SLCO3A1: variants seen among roughly 807,000 people sequenced by gnomAD.
SLCO3A1 encodes solute carrier organic anion transporter family member 3A1.
SLCO3A1 carries 27 observed loss-of-function variants against 63.1 expected under a neutral mutation model. The observed-to-expected ratio is 0.43, with a 90% CI of 0.32 to 0.59. The LOEUF (loss-of-function observed/expected upper bound fraction) is 0.59, where lower values mean the gene tolerates loss of function less well. Among genes scored for constraint, SLCO3A1 ranks in the 20% least tolerant of loss-of-function variants. The pLI, the probability that SLCO3A1 is intolerant of heterozygous loss-of-function variation, is 0.09. For synonymous variants in SLCO3A1, 473 were observed against 409.9 expected, an observed-to-expected ratio of 1.15 and a Z score of -1.86; for missense variants, 773 against 945.8, an observed-to-expected ratio of 0.82 and a Z score of 2.40.
rs550955645 is a variant in SLCO3A1, at chr15:91,860,647, G to A, written c.180+6559G>A. On this transcript the variant is annotated intron_variant, in intron 1 of 9. Transcript: ENST00000318445. The surrounding 1 kb of genome is among the most constrained non-coding windows in gnomAD (Gnocchi z 5.5). ...AAGGCTGAGTGACCAATTCAAGGGAGCCCGAGGTGTCAGGAGGGCGAGGAC... is the reference window on the plus strand; with the variant it reads ...AAGGCTGAGTGACCAATTCAAGGGAACCCGAGGTGTCAGGAGGGCGAGGAC... Among the ~76,000 whole-genome samples, 2 of 152,336 alleles carry A rather than the reference G, an allele frequency of 1.3e-5. No individual in the cohort carries two copies. The highest frequency in any genetic ancestry group is 1.9e-4 in the East Asian group (1 of 5,180).
intron 2 of SLCO3A1, among the ~76,000 whole-genome samples, chr15:92,035,554 A>C (rs2046715241): frequency 6.6e-6 from 1 of 151,732 alleles, no homozygotes; most frequent in Admixed American, 6.6e-5. Context: ...CCCCTTGCTG[A>C]CAACATGAGG....
At chr15:92,124,713 G>A (rs1265241066) in intron 5 of SLCO3A1, among the ~76,000 whole-genome samples, 2 of 152,194 alleles carry the variant, frequency 1.3e-5, no homozygotes, top group Non-Finnish European at 1.5e-5. Context: ...AGCTGAGAGA[G>A]CCATGAAAAC....
intron 2 of SLCO3A1, among the ~76,000 whole-genome samples, chr15:91,955,787 AC>A (rs1900151899): frequency 6.6e-6 from 1 of 152,208 alleles, no homozygotes; most frequent in South Asian, 2.1e-4. Flanking sequence ...TAATAAAGAA[AC>A]AAGTAATTGG....
intron 2 of SLCO3A1, among the ~76,000 whole-genome samples, chr15:92,029,667 AT>A (rs60515477): frequency 0.21 from 30,619 of 149,042 alleles, 3,365 homozygotes; most frequent in African/African-American, 0.25. Flanking sequence ...CCCTCCTTGT[AT>A]TTTTTTTTTC....
chr15:91,873,055 A>G (rs937790767), intron 1 of SLCO3A1, among the ~76,000 whole-genome samples: 6 of 152,256 alleles, frequency 3.9e-5, no homozygotes, highest in Non-Finnish European at 8.8e-5. Context: ...TGCCATAACA[A>G]TTCCCACAAA....
At chr15:91,876,441 C>G (rs977143488) in intron 1 of SLCO3A1, among the ~76,000 whole-genome samples, 1 of 152,192 alleles carries the variant, frequency 6.6e-6, no homozygotes, top group Non-Finnish European at 1.5e-5. Context: ...TCACATGGAG[C>G]GGTCTGGATG....
intron 2 of SLCO3A1, among the ~76,000 whole-genome samples, chr15:91,983,240 A>G (rs1170685653): frequency 6.6e-6 from 1 of 152,246 alleles, no homozygotes; most frequent in Non-Finnish European, 1.5e-5. Flanking sequence ...TCATTTTTAC[A>G]GCGTTCCCAC....
At chr15:92,004,129 A>T (rs1053813710) in intron 2 of SLCO3A1, among the ~76,000 whole-genome samples, 2 of 152,168 alleles carry the variant, frequency 1.3e-5, no homozygotes, top group Non-Finnish European at 2.9e-5. Flanking sequence ...GGGCTTCGTA[A>T]GTATCAGCTT....
chr15:92,025,819 A>G (rs2046567091), intron 2 of SLCO3A1, among the ~76,000 whole-genome samples: 1 of 152,212 alleles, frequency 6.6e-6, no homozygotes, highest in Non-Finnish European at 1.5e-5. Flanking sequence ...ATGCCGCGTG[A>G]TGCATGGCAG....
intron 2 of SLCO3A1, among the ~76,000 whole-genome samples, chr15:92,054,931 T>G (rs1597266025): frequency 2.0e-5 from 3 of 152,220 alleles, no homozygotes; most frequent in Admixed American, 6.5e-5. Flanking sequence ...TGTATCTTTA[T>G]AATAGAATTA....
At chr15:91,933,829 T>C (rs1033732397) in intron 2 of SLCO3A1, among the ~76,000 whole-genome samples, 1 of 152,244 alleles carries the variant, frequency 6.6e-6, no homozygotes, top group Non-Finnish European at 1.5e-5. Flanking sequence ...TACAGTTGTC[T>C]GCTGTTAAAT....
chr15:92,147,990 G>C (rs2048251975), intron 8 of SLCO3A1, among the ~76,000 whole-genome samples: 1 of 152,220 alleles, frequency 6.6e-6, no homozygotes, highest in Non-Finnish European at 1.5e-5. Flanking sequence ...GCCAAGGCTG[G>C]AGGATCGCTT....
At chr15:92,086,507 C>G (rs994732795) in intron 2 of SLCO3A1, among the ~76,000 whole-genome samples, 5 of 152,098 alleles carry the variant, frequency 3.3e-5, no homozygotes, top group Admixed American at 2.0e-4. Flanking sequence ...TACATATGAA[C>G]TCCTTGATTC....
chr15:91,975,238 A>T (rs762143302), intron 2 of SLCO3A1, among the ~76,000 whole-genome samples: 1 of 151,572 alleles, frequency 6.6e-6, no homozygotes, highest in Non-Finnish European at 1.5e-5. Flanking sequence ...GTGTGCTGCA[A>T]TTGGCTGACA....
chr15:91,990,827 A>G (rs914889513), intron 2 of SLCO3A1, among the ~76,000 whole-genome samples: 4 of 152,162 alleles, frequency 2.6e-5, no homozygotes, highest in African/African-American at 9.7e-5. Flanking sequence ...AAATGCCTCC[A>G]GAAGCGAGGA....
intron 2 of SLCO3A1, among the ~76,000 whole-genome samples, chr15:92,048,258 C>T (rs903889513): frequency 2.0e-5 from 3 of 152,102 alleles, no homozygotes; most frequent in Non-Finnish European, 2.9e-5. Flanking sequence ...GGACCTGGCA[C>T]CCACTTCTGA....
intron 2 of SLCO3A1, among the ~76,000 whole-genome samples, chr15:92,045,364 T>C (rs2046848768): frequency 6.6e-6 from 1 of 151,906 alleles, no homozygotes; most frequent in Non-Finnish European, 1.5e-5. Context: ...ACACAAGAGA[T>C]AAAAATCACT....
intron 5 of SLCO3A1, among the ~76,000 whole-genome samples, chr15:92,120,961 A>G (rs749848685): frequency 1.3e-5 from 2 of 152,208 alleles, no homozygotes; most frequent in Non-Finnish European, 2.9e-5. Context: ...GCAGGTTTTA[A>G]TCAGCCACAT....
chr15:92,161,544 AC>A (rs1247350421), intron 9 of SLCO3A1: 21 of 152,374 alleles, frequency 1.4e-4, no homozygotes, highest in African/African-American at 4.1e-4. Flanking sequence ...AAAACTGGTT[AC>A]CAACTCATTC....
Sources: allele counts gnomAD v4.1 joint callset (sites outside exome capture counted in the v4.1 genomes callset), GRCh38; gene constraint gnomAD v4.1.1; non-coding constraint Gnocchi (gnomAD v3.1); transcripts MANE v1.5; gene names NCBI Gene and HGNC (gene_info 2026-07-23, HGNC 2026-07-21).